CFAP46: variants seen among roughly 807,000 people sequenced by gnomAD.
The protein encoded by CFAP46 is cilia- and flagella-associated protein 46.
Under a neutral mutation model 325.7 loss-of-function variants are expected in CFAP46, and 245 were observed. The observed-to-expected ratio is 0.75, with a 90% CI of 0.68 to 0.84. The LOEUF is 0.84. Ranked by LOEUF, CFAP46 falls within the 40% of genes least tolerant of loss-of-function variation. CFAP46 has a pLI of 0.00. For synonymous variants in CFAP46, 1,523 were observed against 1,495.9 expected (o/e 1.02, Z -0.42); for missense variants, 3,346 against 3,543.0 (o/e 0.94, Z 1.41).
intron 19 of CFAP46, 57 bp downstream of exon 19, chr10:132,912,598 C>T: frequency 1.4e-6 from 2 of 1,421,020 alleles, no homozygotes; most frequent in Non-Finnish European, 1.9e-6. Flanking sequence ...TCTCTCTCTC[C>T]TCTCTCCTCT....
At chr10:132,816,034 G>A (rs888981178) in intron 50 of CFAP46, among the ~76,000 whole-genome samples, 8 of 152,140 alleles carry the variant, frequency 5.3e-5, no homozygotes, top group East Asian at 1.9e-4. Flanking sequence ...CAAATCCATC[G>A]ATGTCCTTTT....
At chr10:132,882,502 C>T (rs569677918) in intron 27 of CFAP46, among the ~76,000 whole-genome samples, 46 of 151,394 alleles carry the variant, frequency 3.0e-4, no homozygotes, top group Non-Finnish European at 6.0e-4. Flanking sequence ...AGGGGGAAGG[C>T]AAGAAGAAGG....
At chr10:132,815,299 A>T (rs893062585) in intron 50 of CFAP46, among the ~76,000 whole-genome samples, 2 of 152,204 alleles carry the variant, frequency 1.3e-5, no homozygotes, top group East Asian at 3.9e-4. Context: ...GGCTCTGAGT[A>T]GATAGTCATG....
chr10:132,824,020 CTGTG>C (rs544546009), intron 50 of CFAP46, among the ~76,000 whole-genome samples: 3 of 82,144 alleles, frequency 3.7e-5, no homozygotes, highest in Non-Finnish European at 6.6e-5. Flanking sequence ...GTGCTGTGTG[CTGTG>C]TGAGTGCTGA....
chr10:132,920,115 G>A lies in CFAP46; in HGVS notation c.1674C>T (p.Ser558=), dbSNP rs929721036. Residue 558 remains serine, a synonymous_variant, in exon 14 of 58, where the codon AGC becomes AGT. Coordinates refer to ENST00000368586, the MANE Select transcript of CFAP46 (RefSeq NM_001200049.3). ...LCAKAWHHTV[S]VDKAAGHLRR... Reference sequence around the variant, plus strand: ...GCAGGTGCCCGGCAGCTTTGTCCACGCTGACGGTGTGGTGCCACGCCTTCG... The same window carrying A: ...GCAGGTGCCCGGCAGCTTTGTCCACACTGACGGTGTGGTGCCACGCCTTCG... The A allele has an allele frequency of 2.6e-6, 4 of 1,549,136 alleles. No individual in the cohort carries two copies. The highest frequency in any genetic ancestry group is 1.7e-4 in the Middle Eastern group (1 of 6,004).
At chr10:132,905,233 T>C (rs77721572) in intron 22 of CFAP46, among the ~76,000 whole-genome samples, 6,926 of 152,304 alleles carry the variant, frequency 0.045, 221 homozygotes, top group Non-Finnish European at 0.064. Flanking sequence ...AGAGTCCGGC[T>C]GTAAATGACT....
At chr10:132,883,991 A>G (rs1389144905) in intron 27 of CFAP46, among the ~76,000 whole-genome samples, 3 of 152,210 alleles carry the variant, frequency 2.0e-5, no homozygotes, top group Non-Finnish European at 4.4e-5. Context: ...TACTAAAAAC[A>G]TGTTGTACCT....
chr10:132,822,678 CT>C (rs1198975165), intron 50 of CFAP46, among the ~76,000 whole-genome samples: 9 of 115,000 alleles, frequency 7.8e-5, no homozygotes, highest in Non-Finnish European at 1.6e-4. Flanking sequence ...CTTGTGTGTG[CT>C]GTGTGTGCTG....
intron 31 of CFAP46, among the ~76,000 whole-genome samples, chr10:132,874,902 C>T (rs60709263): frequency 0.094 from 14,264 of 152,060 alleles, 1,792 homozygotes; most frequent in African/African-American, 0.29. Flanking sequence ...AACCTCATAC[C>T]GGAGGTCCTT....
chr10:132,879,551 T>A lies in CFAP46; in HGVS notation c.3880A>T (p.Ser1294Cys). 6.5e-7 allele frequency: 1 copy of A among 1,547,566 alleles called. No homozygotes were observed. Among genetic ancestry groups the A allele is most frequent in the Non-Finnish European group, 8.7e-7 (1 of 1,146,148 alleles). Residue 1294 changes from serine to cysteine, a missense_variant, in exon 29 of 58, where the codon AGC becomes TGC. Ser to Cys is a moderately radical substitution (Grantham distance 112). Transcript: ENST00000368586. ...GCCAGCGCCTCCAGCTGCCGCACGC[T>A]ACGCAGCTGCTCCAAGGACACCGCC... is the stretch of plus-strand genomic sequence containing the variant. ...EEAVSLEQLR[S>C]VRQLEALARV...
In CFAP46 at chr10:132,840,716, CTG is replaced by C. The variant is rs539846781; in HGVS notation, c.6439-3804_6439-3803del. On this transcript the variant is annotated intron_variant, in intron 44 of 57. Coordinates refer to ENST00000368586, the MANE Select transcript of CFAP46 (RefSeq NM_001200049.3). The stretch of plus-strand genomic sequence containing the variant: ...TGACTAATTTGATCATCGTAAGTAA[CTG>C]TTTAATTTCAAGGTGCCCGTGTTTC... 2.7e-4 allele frequency among the ~76,000 whole-genome samples: 41 copies of C among 152,304 alleles called. 1 individual carries two copies. The South Asian group carries it at 8.1e-3, about 30-fold the overall frequency.
intron 11 of CFAP46, among the ~76,000 whole-genome samples, chr10:132,924,218 G>A (rs796318069): frequency 3.3e-5 from 5 of 150,926 alleles, no homozygotes; most frequent in African/African-American, 1.2e-4. Context: ...TGCCTGCCAT[G>A]GTCCACCCTG....
intron 25 of CFAP46, among the ~76,000 whole-genome samples, chr10:132,887,601 TCTCTCCTCTC>T (rs199856842): frequency 5.9e-4 from 1 of 1,700 alleles, no homozygotes; most frequent in East Asian, 0.038. Context: ...TCTCCCTTCT[TCTCTCCTCTC>T]CTCTCTCCTC....
intron 31 of CFAP46, 55 bp from the exon 32 acceptor site, chr10:132,872,879 G>A: frequency 1.9e-6 from 3 of 1,539,702 alleles, no homozygotes; most frequent in Non-Finnish European, 2.6e-6. Flanking sequence ...TAGACCACAA[G>A]CATAAGGGTC....
chr10:132,903,057 G>A (rs1003559729), intron 22 of CFAP46, among the ~76,000 whole-genome samples: 2 of 147,104 alleles, frequency 1.4e-5, no homozygotes, highest in Non-Finnish European at 3.0e-5. Context: ...CCATTGCTAA[G>A]GTGTGTCTTT....
At chr10:132,883,318 G>A (rs1849074596) in intron 27 of CFAP46, among the ~76,000 whole-genome samples, 1 of 152,198 alleles carries the variant, frequency 6.6e-6, no homozygotes. Flanking sequence ...ATGGGCAAAG[G>A]ACTGCAATGA....
intron 50 of CFAP46, among the ~76,000 whole-genome samples, chr10:132,820,838 G>A (rs1207073242): frequency 3.5e-5 from 5 of 141,090 alleles, no homozygotes; most frequent in Non-Finnish European, 6.1e-5. Context: ...GAGTGCTGAT[G>A]TGTGCTGTGT....
intron 50 of CFAP46, among the ~76,000 whole-genome samples, chr10:132,815,779 G>A (rs558184014): frequency 6.6e-5 from 10 of 152,278 alleles, no homozygotes; most frequent in Non-Finnish European, 8.8e-5. Context: ...GAGCGAGACC[G>A]TCAGGAAGTG....
chr10:132,864,698 C>A (rs1298198832), intron 35 of CFAP46, among the ~76,000 whole-genome samples: 1 of 132,712 alleles, frequency 7.5e-6, no homozygotes, highest in Admixed American at 7.0e-5. Context: ...CACCTGTCCC[C>A]CTGCCTGAGA....
Sources: allele counts gnomAD v4.1 joint callset (sites outside exome capture counted in the v4.1 genomes callset), GRCh38; gene constraint gnomAD v4.1.1; transcripts MANE v1.5; gene names NCBI Gene and HGNC (gene_info 2026-07-23, HGNC 2026-07-21).